The following SLC8A1 variants were observed in gnomAD, a reference collection of about 807,000 sequenced individuals.
SLC8A1 encodes the protein sodium/calcium exchanger 1.
In SLC8A1, 18 loss-of-function variants were observed where a neutral mutation model predicts 68.3. The observed-to-expected ratio is 0.26, with a 90% confidence interval of 0.18 to 0.39. The LOEUF (loss-of-function observed/expected upper bound fraction) is 0.39. SLC8A1 is among the 10% of genes least tolerant of loss of function. The pLI is 1.00. For missense variants in SLC8A1, 985 were observed against 1,156.7 expected, an observed-to-expected ratio of 0.85 and a Z score of 2.15; for synonymous variants, 475 against 415.5, an observed-to-expected ratio of 1.14 and a Z score of -1.74.
At chr2:40,249,676 A>G (rs2062436193) in intron 2 of SLC8A1, among the ~76,000 whole-genome samples, 2 of 152,210 alleles carry the variant, frequency 1.3e-5, no homozygotes, top group Non-Finnish European at 2.9e-5. Context: ...GACTATTACC[A>G]TCAATTTGAA....
intron 2 of SLC8A1, among the ~76,000 whole-genome samples, chr2:40,379,331 A>G (rs1353191796): frequency 6.6e-6 from 1 of 152,234 alleles, no homozygotes; most frequent in Non-Finnish European, 1.5e-5. Flanking sequence ...TTTCTGTTAC[A>G]ATTAAGAAGT....
chr2:40,432,861 T>C (rs183493101), intron 1 of SLC8A1, among the ~76,000 whole-genome samples: 2 of 152,226 alleles, frequency 1.3e-5, no homozygotes, highest in East Asian at 3.9e-4. Flanking sequence ...AGATTTTGCC[T>C]ACTATATAAA....
intron 2 of SLC8A1, among the ~76,000 whole-genome samples, chr2:40,338,327 AAC>A (rs1229762651): frequency 2.6e-5 from 4 of 152,132 alleles, no homozygotes; most frequent in African/African-American, 9.7e-5. Flanking sequence ...AAAAACAAAC[AAC>A]AGTGTGTGTG....
At chr2:40,464,948 C>T (rs932353646) in intron 1 of SLC8A1, among the ~76,000 whole-genome samples, 7 of 152,118 alleles carry the variant, frequency 4.6e-5, no homozygotes, top group South Asian at 2.1e-4. Flanking sequence ...GAGCTGCAAC[C>T]TTGCCACAAG....
chr2:40,284,988 A>G (rs2068085612), intron 2 of SLC8A1, among the ~76,000 whole-genome samples: 1 of 152,146 alleles, frequency 6.6e-6, no homozygotes, highest in Admixed American at 6.6e-5. Flanking sequence ...GTCAGAGTCA[A>G]TAACATGATT....
intron 2 of SLC8A1, among the ~76,000 whole-genome samples, chr2:40,338,680 T>C (rs2216005): frequency 0.18 from 26,900 of 151,984 alleles, 4,201 homozygotes; most frequent in African/African-American, 0.42. Context: ...AAACAAGTTG[T>C]GTCATAAAGA....
intron 2 of SLC8A1, among the ~76,000 whole-genome samples, chr2:40,428,207 A>C (rs1221148951): frequency 6.6e-6 from 1 of 151,096 alleles, no homozygotes; most frequent in African/African-American, 2.4e-5. Flanking sequence ...ATTTTATCAT[A>C]GTCACAATGT....
At chr2:40,438,894 A>G (rs1353438072) in intron 1 of SLC8A1, among the ~76,000 whole-genome samples, 1 of 152,156 alleles carries the variant, frequency 6.6e-6, no homozygotes, top group Non-Finnish European at 1.5e-5. Context: ...ACTGAGTAGA[A>G]GCACAGGAAC....
intron 2 of SLC8A1, among the ~76,000 whole-genome samples, chr2:40,266,143 A>C (rs2065329804): frequency 1.3e-5 from 2 of 152,182 alleles, no homozygotes; most frequent in Non-Finnish European, 2.9e-5. Context: ...CTTCAACTTA[A>C]GTTGAAATAT....
intron 2 of SLC8A1, among the ~76,000 whole-genome samples, chr2:40,262,716 T>G (rs532565738): frequency 6.6e-6 from 1 of 152,344 alleles, no homozygotes; most frequent in Admixed American, 6.5e-5. Flanking sequence ...CATGGAGATT[T>G]TGCTCGAGTA....
chr2:40,122,504 C>G (rs929382571), intron 7 of SLC8A1, among the ~76,000 whole-genome samples: 1 of 152,192 alleles, frequency 6.6e-6, no homozygotes, highest in African/African-American at 2.4e-5. Flanking sequence ...CCTATATTGG[C>G]AGGATCAGGG....
At chr2:40,143,718 G>C (rs1205133835) in intron 6 of SLC8A1, among the ~76,000 whole-genome samples, 1 of 152,170 alleles carries the variant, frequency 6.6e-6, no homozygotes. Flanking sequence ...GAGAGCAAGA[G>C]CATCATCAGC....
chr2:40,454,361 G>A (rs1317937090), upstream of SLC8A1, among the ~76,000 whole-genome samples: 1 of 151,958 alleles, frequency 6.6e-6, no homozygotes, highest in Non-Finnish European at 1.5e-5. Context: ...TGCTATGACG[G>A]GCCGCTTAGT....
chr2:40,283,125 G>T (rs1483590902), intron 2 of SLC8A1, among the ~76,000 whole-genome samples: 2 of 152,122 alleles, frequency 1.3e-5, no homozygotes, highest in Non-Finnish European at 2.9e-5. Context: ...CAGGATAAGA[G>T]AACAACTAGT....
chr2:40,241,721 C>A lies in SLC8A1; in HGVS notation c.1809-63866G>T, dbSNP rs942922906. On this transcript the variant is annotated intron_variant, in intron 2 of 7. Transcript: ENST00000406785. ...TCAGAGCCTGGGACAGACACCCATA[C>A]TGAATCCTCTACTTTAGAAAAGAAC... 5.3e-5 allele frequency among the ~76,000 whole-genome samples: 8 copies of A among 152,174 alleles called. No homozygotes were observed. The South Asian group carries it at 6.2e-4, about 12-fold the overall frequency.
rs533644761 is a variant in SLC8A1, at chr2:40,401,624, G to A, written c.1808+26849C>T. On this transcript the variant is annotated intron_variant, in intron 2 of 7. Coordinates refer to ENST00000406785, the Ensembl canonical transcript of SLC8A1. Reference sequence around the variant, plus strand: ...AGAAAGCTTTGTGAGTTCTTAATATGTATTTTTTGTCACATTAAGTGAAAA... The same window carrying A: ...AGAAAGCTTTGTGAGTTCTTAATATATATTTTTTGTCACATTAAGTGAAAA... 4.6e-5 allele frequency among the ~76,000 whole-genome samples: 5 copies of A among 108,064 alleles called. No homozygotes were observed. In the South Asian group the frequency reaches 1.5e-3, roughly 33 times the overall value. 70.9% of individuals were successfully genotyped at this position (108,064 alleles called of 152,430 possible).
At chr2:40,177,826 C>G (rs5556) in exon 3 of SLC8A1, 7 of 1,550,776 alleles carry the variant, frequency 4.5e-6, no homozygotes, top group Middle Eastern at 1.7e-4. Context: ...ATATTCCTCA[C>G]GGTCAAATAT....
At chr2:40,138,601 A>G (rs1275130429) in intron 7 of SLC8A1, among the ~76,000 whole-genome samples, 1 of 152,174 alleles carries the variant, frequency 6.6e-6, no homozygotes, top group Non-Finnish European at 1.5e-5. Flanking sequence ...TGAGCTTTAC[A>G]ACCCACATTC....
At chr2:40,361,448 G>C (rs762814846) in intron 2 of SLC8A1, among the ~76,000 whole-genome samples, 1 of 146,304 alleles carries the variant, frequency 6.8e-6, no homozygotes, top group Non-Finnish European at 1.5e-5. Context: ...CACATTAGTA[G>C]AGCTCCTGAA....
Sources: allele counts gnomAD v4.1 joint callset (sites outside exome capture counted in the v4.1 genomes callset), GRCh38; gene constraint gnomAD v4.1.1; transcripts MANE v1.5; gene names NCBI Gene and HGNC (gene_info 2026-07-23, HGNC 2026-07-21).